SPPL3: variants seen among roughly 807,000 people sequenced by gnomAD.
The protein encoded by SPPL3 is signal peptide peptidase like 3, also known as signal peptide peptidase-like 3.
A neutral mutation model predicts 42.4 loss-of-function variants in SPPL3; 5 were observed. The observed-to-expected ratio is 0.12, with a 90% CI of 0.06 to 0.25. The LOEUF is 0.25. Ranked by LOEUF, SPPL3 falls within the 10% of genes least tolerant of loss-of-function variation. The probability of loss-of-function intolerance (pLI) is 1.00; values close to 1 mark genes in which losing one functional copy is unlikely to be tolerated. For missense variants in SPPL3, 235 were observed against 489.0 expected (o/e 0.48, Z 4.90); for synonymous variants, 195 against 181.8 (o/e 1.07, Z -0.58).
rs1869650959 is a variant in SPPL3 at position 120,784,515 on chromosome 12, A to G, written c.269T>C (p.Phe90Ser). The change falls in exon 4 of 11, where the codon TTC (phenylalanine) becomes TCC (serine). Residue 90 changes from phenylalanine to serine, a missense_variant. Physicochemically the swap from Phe to Ser is radical, Grantham distance 155. This residue lies in a region of SPPL3 where 110 missense variants were observed against 186.2 expected (regional missense o/e 0.59). Transcript: ENST00000353487. ...AAAAACTACTTGAACTGAGTCAAAGAAGAAGAACATTACTAAAAGAGAGAC... is the reference window on the plus strand; with the variant it reads ...AAAAACTACTTGAACTGAGTCAAAGGAGAAGAACATTACTAAAAGAGAGAC... ...ASVSLLVMFF[F>S]FDSVQVVFTI... 6.2e-7 allele frequency: 1 copy of G among 1,612,732 alleles called. No individual in the cohort carries two copies. Among genetic ancestry groups the G allele is most frequent in the Non-Finnish European group, 8.5e-7 (1 of 1,178,968 alleles).
intron 1 of SPPL3, among the ~76,000 whole-genome samples, chr12:120,841,426 AG>A (rs1871827754): frequency 1.1e-5 from 1 of 89,162 alleles, no homozygotes; most frequent in South Asian, 3.6e-4. Flanking sequence ...TTAAAAAAAT[AG>A]TTATATATAT....
At chr12:120,903,543 T>C (rs1874050682) in intron 1 of SPPL3, 1 of 403,362 alleles carries the variant, frequency 2.5e-6, no homozygotes, top group Admixed American at 4.8e-5. Context: ...TTCCCATCCG[T>C]GGGATTCCCA....
At chr12:120,884,209 A>G (rs1873378004) in intron 1 of SPPL3, among the ~76,000 whole-genome samples, 1 of 152,170 alleles carries the variant, frequency 6.6e-6, no homozygotes, top group Admixed American at 6.6e-5. Context: ...GACAGGGGAC[A>G]GAGGCATGAG....
At chr12:120,873,449 A>T (rs1400379600) in intron 1 of SPPL3, among the ~76,000 whole-genome samples, 1 of 152,216 alleles carries the variant, frequency 6.6e-6, no homozygotes, top group East Asian at 1.9e-4. Context: ...AAGAAACTCA[A>T]AAAGCCCCAA....
chr12:120,833,710 AAGG>A (rs1367988730), intron 1 of SPPL3, among the ~76,000 whole-genome samples: 2 of 138,070 alleles, frequency 1.4e-5, no homozygotes, highest in South Asian at 2.2e-4. Flanking sequence ...AAGAGAAAAA[AAGG>A]AGGAAAAACA....
In SPPL3 at chr12:120,766,387, A is replaced by C; in HGVS notation, c.974-15T>G. 1 of 1,564,690 alleles carries C rather than the reference A, an allele frequency of 6.4e-7. No homozygotes were observed. Among genetic ancestry groups the C allele is most frequent in the Non-Finnish European group, 8.7e-7 (1 of 1,154,372 alleles). ...AGTGAGCAGGCCTGTGAGGAGAGAG[A>C]GGCATCTGTGAGACACGAGAGGGAA... On this transcript the variant is annotated splice_polypyrimidine_tract_variant and intron_variant, in intron 9 of 10. Transcript: ENST00000353487.
intron 1 of SPPL3, among the ~76,000 whole-genome samples, chr12:120,891,132 A>G (rs1449565116): frequency 6.6e-6 from 1 of 151,950 alleles, no homozygotes; most frequent in Non-Finnish European, 1.5e-5. Flanking sequence ...TGCCATTCAC[A>G]TTTCTTCCCT....
At chr12:120,834,997 G>A (rs1871559478) in intron 1 of SPPL3, among the ~76,000 whole-genome samples, 1 of 152,108 alleles carries the variant, frequency 6.6e-6, no homozygotes, top group African/African-American at 2.4e-5. Flanking sequence ...TGAGGTTCAG[G>A]CAGCTTAGTT....
intron 1 of SPPL3, among the ~76,000 whole-genome samples, chr12:120,876,616 C>CAAA (rs71076676): frequency 2.9e-4 from 15 of 51,088 alleles, no homozygotes; most frequent in African/African-American, 5.0e-4. Flanking sequence ...GACTCTGTCT[C>CAAA]AAAAAAAAAA....
chr12:120,806,001 C>CTT (rs397710393), intron 2 of SPPL3, among the ~76,000 whole-genome samples: 52,699 of 132,658 alleles, frequency 0.4, 11,966 homozygotes, highest in Middle Eastern at 0.57. Flanking sequence ...TCCCTGCAGG[C>CTT]TTTTTTTTTT....
intron 1 of SPPL3, among the ~76,000 whole-genome samples, chr12:120,840,611 C>T (rs933461594): frequency 1.3e-5 from 2 of 151,836 alleles, no homozygotes; most frequent in Admixed American, 6.6e-5. Context: ...GCAGGTAGAT[C>T]GATTGAGCTC....
intron 1 of SPPL3, among the ~76,000 whole-genome samples, chr12:120,844,550 C>T (rs999642942): frequency 1.3e-5 from 2 of 152,190 alleles, no homozygotes; most frequent in African/African-American, 2.4e-5. Context: ...ACACACATGG[C>T]TGAGTGCCCT....
intron 1 of SPPL3, among the ~76,000 whole-genome samples, chr12:120,886,260 A>T (rs1237384751): frequency 1.3e-5 from 2 of 152,136 alleles, no homozygotes; most frequent in African/African-American, 4.8e-5. Flanking sequence ...AAATTGTCTT[A>T]ATTACATCTG....
chr12:120,790,961 T>C (rs1489454215), intron 3 of SPPL3, among the ~76,000 whole-genome samples: 1 of 152,170 alleles, frequency 6.6e-6, no homozygotes, highest in Non-Finnish European at 1.5e-5. Flanking sequence ...TAGCTGGAAT[T>C]AGAGGCATGC....
At chr12:120,794,140 C>T (rs542590388) in intron 2 of SPPL3, among the ~76,000 whole-genome samples, 1 of 152,300 alleles carries the variant, frequency 6.6e-6, no homozygotes, top group African/African-American at 2.4e-5. Flanking sequence ...TTTGTCATTA[C>T]AAAATAACCT....
intron 2 of SPPL3, among the ~76,000 whole-genome samples, chr12:120,793,156 C>G (rs1869977536): frequency 6.6e-6 from 1 of 152,126 alleles, no homozygotes; most frequent in Admixed American, 6.5e-5. Context: ...ACACAAATAG[C>G]CAATGAGCCC....
chr12:120,801,167 G>C (rs991452071), intron 2 of SPPL3, among the ~76,000 whole-genome samples: 5 of 152,212 alleles, frequency 3.3e-5, no homozygotes, highest in Admixed American at 3.3e-4. Flanking sequence ...CCAGACACAG[G>C]AAAGATTAAT....
intron 6 of SPPL3, among the ~76,000 whole-genome samples, chr12:120,780,281 G>GA (rs1387159527): frequency 7.3e-5 from 11 of 151,080 alleles, no homozygotes; most frequent in Non-Finnish European, 1.3e-4. Flanking sequence ...GTAACATAGT[G>GA]AGACCCATCT....
At chr12:120,787,693 G>A (rs1295669090) in intron 3 of SPPL3, among the ~76,000 whole-genome samples, 1 of 151,936 alleles carries the variant, frequency 6.6e-6, no homozygotes, top group Non-Finnish European at 1.5e-5. Context: ...GAAGGGAACC[G>A]CTATCCTGAC....
Sources: allele counts gnomAD v4.1 joint callset (sites outside exome capture counted in the v4.1 genomes callset), GRCh38; gene constraint gnomAD v4.1.1; regional missense constraint gnomAD v4.1.1; transcripts MANE v1.5; gene names NCBI Gene and HGNC (gene_info 2026-07-23, HGNC 2026-07-21).